Variants in CAMKMT observed in about 807,000 individuals in gnomAD.
CAMKMT encodes the protein calmodulin-lysine N-methyltransferase.
CAMKMT carries 53 observed loss-of-function variants against 48.0 expected under a neutral mutation model. The observed-to-expected ratio is 1.10, with a 90% CI of 0.89 to 1.39. CAMKMT has a LOEUF of 1.39. Among genes scored for constraint, CAMKMT ranks in the 40% most tolerant of loss-of-function variants. CAMKMT has a pLI of 0.00. For synonymous variants in CAMKMT, 165 were observed against 152.3 expected, an observed-to-expected ratio of 1.08 and a Z score of -0.61; for missense variants, 428 against 402.7, an observed-to-expected ratio of 1.06 and a Z score of -0.54.
chr2:44,576,797 C>G lies in CAMKMT; in HGVS notation c.377-127486C>G, dbSNP rs73927152. 3.4e-3 allele frequency among the ~76,000 whole-genome samples: 520 copies of G among 152,302 alleles called. 3 individuals carry two copies. The highest frequency in any genetic ancestry group is 0.012 in the African/African-American group (481 of 41,562). On this transcript the variant is annotated intron_variant, in intron 3 of 10. Transcript: ENST00000378494. ...TTGCTCAGAAATAGCCTCACTTGCA[C>G]AGTTTTAAAAATGCAACTCAAAAGA...
At chr2:44,367,826 A>G (rs1678766294) in intron 1 of CAMKMT, among the ~76,000 whole-genome samples, 1 of 152,238 alleles carries the variant, frequency 6.6e-6, no homozygotes, top group Admixed American at 6.5e-5. Context: ...GGGGAAGTGT[A>G]GTTGCCTGGT....
At chr2:44,612,007 C>G (rs1340578974) in intron 3 of CAMKMT, among the ~76,000 whole-genome samples, 1 of 152,140 alleles carries the variant, frequency 6.6e-6, no homozygotes, top group African/African-American at 2.4e-5. Context: ...TATTGTGGAT[C>G]TCAACATGAG....
chr2:44,502,592 C>G (rs551668010), intron 3 of CAMKMT, among the ~76,000 whole-genome samples: 6 of 152,162 alleles, frequency 3.9e-5, no homozygotes, highest in African/African-American at 1.2e-4. Flanking sequence ...TTTAACTTAG[C>G]TTTTTAGAGG....
intron 3 of CAMKMT, among the ~76,000 whole-genome samples, chr2:44,495,923 CAT>C (rs1173150292): frequency 3.3e-5 from 5 of 152,210 alleles, no homozygotes; most frequent in Non-Finnish European, 1.5e-5. Context: ...CGTATAATCA[CAT>C]GTCTTTGGCA....
intron 3 of CAMKMT, among the ~76,000 whole-genome samples, chr2:44,654,066 T>G (rs1303009745): frequency 6.6e-6 from 1 of 152,232 alleles, no homozygotes; most frequent in African/African-American, 2.4e-5. Flanking sequence ...TACCTGTTTT[T>G]GGATGCTGTA....
chr2:44,592,364 C>T (rs1670348084), intron 3 of CAMKMT, among the ~76,000 whole-genome samples: 1 of 152,044 alleles, frequency 6.6e-6, no homozygotes, highest in Non-Finnish European at 1.5e-5. Flanking sequence ...AACTTACTGG[C>T]ATAATGTTAT....
intron 3 of CAMKMT, among the ~76,000 whole-genome samples, chr2:44,522,060 G>A (rs1671144429): frequency 6.7e-6 from 1 of 150,032 alleles, no homozygotes; most frequent in Non-Finnish European, 1.5e-5. Flanking sequence ...CTGGAGTGCA[G>A]TGGCACAATC....
chr2:44,740,390 A>G (rs1276912354), intron 7 of CAMKMT, among the ~76,000 whole-genome samples: 3 of 152,102 alleles, frequency 2.0e-5, no homozygotes, highest in Admixed American at 1.3e-4. Flanking sequence ...TCGGTCTCCC[A>G]AAGTGCTAGG....
chr2:44,599,835 A>AT (rs1452716458), intron 3 of CAMKMT, among the ~76,000 whole-genome samples: 1 of 151,698 alleles, frequency 6.6e-6, no homozygotes, highest in Non-Finnish European at 1.5e-5. Context: ...TTAAAAAAAA[A>AT]AAAAAAGTGT....
intron 3 of CAMKMT, among the ~76,000 whole-genome samples, chr2:44,578,100 G>A (rs1177543325): frequency 6.6e-6 from 1 of 152,106 alleles, no homozygotes; most frequent in Non-Finnish European, 1.5e-5. Context: ...TTGGTTTCTA[G>A]ATCCAGCTGA....
At chr2:44,553,753 G>A (rs1667852598) in intron 3 of CAMKMT, among the ~76,000 whole-genome samples, 1 of 152,086 alleles carries the variant, frequency 6.6e-6, no homozygotes, top group South Asian at 2.1e-4. Flanking sequence ...GTCAACTGTT[G>A]CATTCTTTTT....
At chr2:44,471,122 G>T (rs1668394881) in intron 3 of CAMKMT, among the ~76,000 whole-genome samples, 1 of 150,398 alleles carries the variant, frequency 6.6e-6, no homozygotes, top group Admixed American at 6.6e-5. Flanking sequence ...AGCCTCCCAA[G>T]TATCTGGGAT....
intron 2 of CAMKMT, among the ~76,000 whole-genome samples, chr2:44,382,091 G>A (rs1680308044): frequency 6.6e-6 from 1 of 151,804 alleles, no homozygotes; most frequent in Admixed American, 6.6e-5. Context: ...ACAGACGCCT[G>A]CCACTACACC....
chr2:44,663,728 A>G (rs1448009489), intron 3 of CAMKMT, among the ~76,000 whole-genome samples: 1 of 151,688 alleles, frequency 6.6e-6, no homozygotes, highest in East Asian at 1.9e-4. Flanking sequence ...AGTCTCCTAA[A>G]CTCTATTTAT....
At chr2:44,371,653 C>A (rs957278685) in intron 1 of CAMKMT, among the ~76,000 whole-genome samples, 3 of 152,120 alleles carry the variant, frequency 2.0e-5, no homozygotes, top group Admixed American at 2.0e-4. Flanking sequence ...ACACTGTTAA[C>A]TCATGAACAG....
chr2:44,525,263 A>G (rs866257417), intron 3 of CAMKMT, among the ~76,000 whole-genome samples: 1 of 150,010 alleles, frequency 6.7e-6, no homozygotes, highest in African/African-American at 2.4e-5. Context: ...CTAAAGAGAT[A>G]TTTTTTTTTT....
chr2:44,458,076 T>A (rs1489424954), intron 3 of CAMKMT, among the ~76,000 whole-genome samples: 1 of 135,864 alleles, frequency 7.4e-6, no homozygotes, highest in Non-Finnish European at 1.5e-5. Context: ...TGCCAGAGTC[T>A]CGCTCTGTTG....
intron 3 of CAMKMT, among the ~76,000 whole-genome samples, chr2:44,544,277 T>A (rs1435581676): frequency 6.6e-6 from 1 of 152,192 alleles, no homozygotes; most frequent in Non-Finnish European, 1.5e-5. Context: ...GGTTATTTAT[T>A]TTGTCACTGG....
chr2:44,573,255 G>T (rs941708457), intron 3 of CAMKMT, among the ~76,000 whole-genome samples: 3 of 152,074 alleles, frequency 2.0e-5, no homozygotes, highest in Non-Finnish European at 2.9e-5. Flanking sequence ...GTCTATCCAA[G>T]TTCTTTGTCC....
Sources: allele counts gnomAD v4.1 joint callset (sites outside exome capture counted in the v4.1 genomes callset), GRCh38; gene constraint gnomAD v4.1.1; transcripts MANE v1.5; gene names NCBI Gene and HGNC (gene_info 2026-07-23, HGNC 2026-07-21).